Variants in AGBL4 observed in about 807,000 individuals in gnomAD.
AGBL4 encodes cytosolic carboxypeptidase 6.
Under a neutral mutation model 66.4 loss-of-function variants are expected in AGBL4, and 58 were observed. That is an observed-to-expected ratio of 0.87 (90% confidence interval 0.71 to 1.09). AGBL4 has a LOEUF of 1.09. AGBL4 is among the 50% of genes least tolerant of loss of function. AGBL4 has a pLI of 0.00. For missense variants in AGBL4, 579 were observed against 631.0 expected (o/e 0.92, Z 0.88); for synonymous variants, 234 against 222.9 (o/e 1.05, Z -0.44).
chr1:49,779,299 TG>T (rs1644277549), intron 2 of AGBL4, among the ~76,000 whole-genome samples: 1 of 152,090 alleles, frequency 6.6e-6, no homozygotes, highest in Non-Finnish European at 1.5e-5. Context: ...ATGAGCAAAC[TG>T]AAAGTAACAA....
intron 8 of AGBL4, among the ~76,000 whole-genome samples, chr1:48,642,469 G>A (rs1645773085): frequency 6.6e-6 from 1 of 151,996 alleles, no homozygotes; most frequent in Non-Finnish European, 1.5e-5. Context: ...GGGTTCAGGT[G>A]GATTTCCAGC....
intron 1 of AGBL4, among the ~76,000 whole-genome samples, chr1:49,864,679 TC>T (rs747418878): frequency 7.2e-5 from 11 of 152,114 alleles, no homozygotes; most frequent in Admixed American, 2.0e-4. Context: ...GATCAGGAGA[TC>T]CCCTGATGAG....
intron 6 of AGBL4, among the ~76,000 whole-genome samples, chr1:48,666,609 A>G (rs1646192332): frequency 6.6e-6 from 1 of 152,216 alleles, no homozygotes; most frequent in Non-Finnish European, 1.5e-5. Context: ...ATATTTATTG[A>G]ATACCTATTA....
chr1:49,168,049 G>A (rs2148155475), intron 4 of AGBL4, among the ~76,000 whole-genome samples: 1 of 152,320 alleles, frequency 6.6e-6, no homozygotes, highest in Non-Finnish European at 1.5e-5. Context: ...ATGGGAGGAT[G>A]TGTAGGTTAT....
chr1:49,720,234 C>A (rs982848138), intron 2 of AGBL4, among the ~76,000 whole-genome samples: 1 of 152,048 alleles, frequency 6.6e-6, no homozygotes, highest in Non-Finnish European at 1.5e-5. Flanking sequence ...CTTCTGAGAA[C>A]CAACATGATA....
At chr1:49,656,126 G>T (rs112671551) in intron 3 of AGBL4, among the ~76,000 whole-genome samples, 2 of 150,356 alleles carry the variant, frequency 1.3e-5, no homozygotes, top group Admixed American at 6.6e-5. Flanking sequence ...CAGCCTGGGC[G>T]ACAGAGTGAG....
chr1:49,880,351 C>A (rs1647189611), intron 1 of AGBL4, among the ~76,000 whole-genome samples: 1 of 151,888 alleles, frequency 6.6e-6, no homozygotes, highest in Non-Finnish European at 1.5e-5. Context: ...TGTGGATGTC[C>A]TTTCTGTTTG....
chr1:49,561,083 G>A (rs930120248), intron 3 of AGBL4, among the ~76,000 whole-genome samples: 1 of 151,950 alleles, frequency 6.6e-6, no homozygotes, highest in African/African-American at 2.4e-5. Flanking sequence ...ACTATGGTGT[G>A]TAAACTACTC....
Position 48,796,763 on chromosome 1 carries a change from A to C in AGBL4, c.634+70428T>G, listed in dbSNP as rs192880952. 5.3e-5 allele frequency among the ~76,000 whole-genome samples: 8 copies of C among 152,332 alleles called. No homozygotes were observed. In the East Asian group the frequency reaches 1.5e-3, roughly 29 times the overall value. ...TTCTCAGCTCTGTAACCATAGACAG[A>C]AAGCAATCTTGGTTACAGATTGGGT... On this transcript the variant is annotated intron_variant, in intron 6 of 13. Coordinates refer to ENST00000371839, the MANE Select transcript of AGBL4 (RefSeq NM_032785.4).
intron 11 of AGBL4, among the ~76,000 whole-genome samples, chr1:48,569,962 G>A (rs1392797772): frequency 1.3e-5 from 2 of 152,146 alleles, no homozygotes; most frequent in Non-Finnish European, 2.9e-5. Flanking sequence ...CTGGCCTGCC[G>A]CACTTGCCAT....
chr1:49,845,389 A>G (rs1646113474), intron 2 of AGBL4: 2 of 1,378,614 alleles, frequency 1.5e-6, no homozygotes, highest in East Asian at 2.3e-5. Flanking sequence ...ACACAAGTGA[A>G]CTCACACAAA....
At chr1:48,944,135 C>A (rs1454127298) in intron 5 of AGBL4, among the ~76,000 whole-genome samples, 1 of 152,056 alleles carries the variant, frequency 6.6e-6, no homozygotes, top group Non-Finnish European at 1.5e-5. Context: ...TAGAAATAGT[C>A]AAGGTAACAG....
chr1:49,114,174 C>T (rs559525777), intron 4 of AGBL4, among the ~76,000 whole-genome samples: 49 of 152,336 alleles, frequency 3.2e-4, no homozygotes, highest in Admixed American at 2.1e-3. Flanking sequence ...TAGTGAGCCA[C>T]CTTCATCAGT....
At chr1:49,283,515 T>C (rs910405577) in intron 3 of AGBL4, among the ~76,000 whole-genome samples, 1 of 152,216 alleles carries the variant, frequency 6.6e-6, no homozygotes, top group African/African-American at 2.4e-5. Flanking sequence ...CAAAGCTGGA[T>C]GGAGAATGAC....
At chr1:49,550,609 G>C (rs1652876582) in intron 3 of AGBL4, among the ~76,000 whole-genome samples, 1 of 152,144 alleles carries the variant, frequency 6.6e-6, no homozygotes, top group Non-Finnish European at 1.5e-5. Context: ...TGTTTTATTT[G>C]AGGAGGCTGA....
intron 2 of AGBL4, among the ~76,000 whole-genome samples, chr1:49,736,942 G>A (rs2124732594): frequency 6.6e-6 from 1 of 152,052 alleles, no homozygotes. Flanking sequence ...TCAAAGAAAT[G>A]CAAATCAAAA....
At chr1:49,274,393 T>C (rs1213319763) in intron 3 of AGBL4, among the ~76,000 whole-genome samples, 1 of 152,168 alleles carries the variant, frequency 6.6e-6, no homozygotes, top group East Asian at 1.9e-4. Context: ...GTTGTACTTG[T>C]AAAAATGTAT....
intron 6 of AGBL4, among the ~76,000 whole-genome samples, chr1:48,848,143 T>C (rs1486419593): frequency 6.6e-6 from 1 of 152,218 alleles, no homozygotes. Context: ...TGAGAAATCA[T>C]ATTCTTTCCT....
chr1:48,748,946 G>A (rs2148620683), intron 6 of AGBL4, among the ~76,000 whole-genome samples: 1 of 152,208 alleles, frequency 6.6e-6, no homozygotes, highest in East Asian at 1.9e-4. Context: ...TGAGATCCCA[G>A]CAGCTGACAC....
Sources: allele counts gnomAD v4.1 joint callset (sites outside exome capture counted in the v4.1 genomes callset), GRCh38; gene constraint gnomAD v4.1.1; transcripts MANE v1.5; gene names NCBI Gene and HGNC (gene_info 2026-07-23, HGNC 2026-07-21).